LRRC7: variants seen among roughly 807,000 people sequenced by gnomAD.
The protein encoded by LRRC7 is leucine-rich repeat-containing protein 7.
Under a neutral mutation model 175.7 loss-of-function variants are expected in LRRC7, and 23 were observed. That is an observed-to-expected ratio of 0.13 (90% CI 0.09 to 0.19). LRRC7 has a LOEUF of 0.19. Ranked by LOEUF, LRRC7 falls within the 10% of genes least tolerant of loss-of-function variation. The pLI, the probability that LRRC7 is intolerant of heterozygous loss-of-function variation, is 1.00. For missense variants in LRRC7, 1,354 were observed against 1,904.7 expected (o/e 0.71, Z 5.38); for synonymous variants, 685 against 680.9 (o/e 1.01, Z -0.09).
At chr1:69,597,080 T>C (rs945209951) in intron 1 of LRRC7, among the ~76,000 whole-genome samples, 8 of 152,216 alleles carry the variant, frequency 5.3e-5, no homozygotes, top group African/African-American at 1.9e-4. Flanking sequence ...TTTTCTAATA[T>C]TTTCCCCTCT....
intron 7 of LRRC7, among the ~76,000 whole-genome samples, chr1:69,858,077 G>T (rs550838488): frequency 4.6e-5 from 7 of 152,224 alleles, no homozygotes; most frequent in African/African-American, 1.7e-4. Flanking sequence ...GCTGAAACTG[G>T]ATCCCTTCCT....
chr1:70,092,353 T>C (rs1208373962), intron 25 of LRRC7, among the ~76,000 whole-genome samples: 1 of 152,116 alleles, frequency 6.6e-6, no homozygotes, highest in Admixed American at 6.6e-5. Flanking sequence ...TGCAAAAGTT[T>C]AAACTTTAAT....
chr1:69,939,972 G>T (rs1429053232), intron 8 of LRRC7, among the ~76,000 whole-genome samples: 1 of 152,036 alleles, frequency 6.6e-6, no homozygotes, highest in Admixed American at 6.6e-5. Context: ...TTCCAAATGA[G>T]TTTCTTGATG....
chr1:69,702,340 T>A (rs1463220869), intron 2 of LRRC7, among the ~76,000 whole-genome samples: 1 of 152,228 alleles, frequency 6.6e-6, no homozygotes, highest in Non-Finnish European at 1.5e-5. Context: ...AACACAGCAC[T>A]GCAGATGACA....
chr1:69,635,510 T>C (rs1653196180), intron 1 of LRRC7, among the ~76,000 whole-genome samples: 1 of 152,108 alleles, frequency 6.6e-6, no homozygotes, highest in Non-Finnish European at 1.5e-5. Flanking sequence ...ATGGTATAGA[T>C]AACCAAACAA....
At chr1:69,595,559 T>C (rs573314638) in intron 1 of LRRC7, among the ~76,000 whole-genome samples, 5 of 152,186 alleles carry the variant, frequency 3.3e-5, no homozygotes, top group African/African-American at 1.2e-4. Flanking sequence ...GTAACTCATA[T>C]ATTTTTCAAT....
In LRRC7 at chr1:69,653,859, CAGA is replaced by C. The variant is rs1656219026; in HGVS notation, c.3-24519_3-24517del. On this transcript the variant is annotated intron_variant, in intron 1 of 26. Coordinates refer to ENST00000651989, the MANE Select transcript of LRRC7 (RefSeq NM_001370785.2). ...TATTCTAAGTGACATAAGCTAATCG[CAGA>C]AGGACAAATACTAAATGTTTATACT... Among the ~76,000 whole-genome samples the C allele has an allele frequency of 2.6e-5, 4 of 152,096 alleles. No homozygotes were observed. In the South Asian group the frequency reaches 6.2e-4, roughly 24 times the overall value.
At chr1:69,995,710 A>C (rs552409572) in intron 11 of LRRC7, among the ~76,000 whole-genome samples, 1 of 152,148 alleles carries the variant, frequency 6.6e-6, no homozygotes, top group Non-Finnish European at 1.5e-5. Flanking sequence ...AATTTCATCC[A>C]TCTCCCTACA....
At chr1:69,621,154 C>G (rs181883925) in intron 1 of LRRC7, among the ~76,000 whole-genome samples, 2 of 152,054 alleles carry the variant, frequency 1.3e-5, no homozygotes, top group Admixed American at 1.3e-4. Context: ...AAGCGATTCT[C>G]TGGTCTCAGG....
intron 8 of LRRC7, among the ~76,000 whole-genome samples, chr1:69,949,799 C>G (rs1649727696): frequency 6.6e-6 from 1 of 151,980 alleles, no homozygotes; most frequent in South Asian, 2.1e-4. Flanking sequence ...GTAAATTTTT[C>G]CTTCCAAAAG....
rs1659587692 is a variant in LRRC7 at position 70,038,798 on chromosome 1, G to C, written c.2974G>C (p.Asp992His). The change falls in exon 21 of 27, where the codon GAC (aspartate) becomes CAC (histidine). Residue 992 changes from aspartate to histidine, a missense_variant. Asp to His is a moderately conservative substitution (Grantham distance 81). Transcript: ENST00000651989. ...AAAGTCACAGAGTATCGATGAGATT[G>C]ACATTGGTACATATAAGGTGTATAA... is the stretch of plus-strand genomic sequence containing the variant. Reference protein sequence around the residue: ...FKKSQSIDEIDIGTYKVYNIP... With the variant: ...FKKSQSIDEIHIGTYKVYNIP... 1 of 1,614,058 alleles carries C rather than the reference G, an allele frequency of 6.2e-7. No homozygotes were observed. The highest frequency in any genetic ancestry group is 8.5e-7 in the Non-Finnish European group (1 of 1,180,008).
chr1:69,650,225 T>C (rs1048154728), intron 1 of LRRC7, among the ~76,000 whole-genome samples: 2 of 152,200 alleles, frequency 1.3e-5, no homozygotes, highest in Non-Finnish European at 2.9e-5. Flanking sequence ...TTTGGAATAT[T>C]ATTGAAAAAC....
At chr1:70,035,625 CA>C (rs765207825) in intron 18 of LRRC7, among the ~76,000 whole-genome samples, 1,230 of 71,784 alleles carry the variant, frequency 0.017, 5 homozygotes, top group Non-Finnish European at 0.027. Flanking sequence ...TAGGGATGCA[CA>C]AAAAAAAAAA....
chr1:69,995,213 A>T (rs1654818898), intron 11 of LRRC7, among the ~76,000 whole-genome samples: 1 of 152,086 alleles, frequency 6.6e-6, no homozygotes, highest in Non-Finnish European at 1.5e-5. Flanking sequence ...TAATATTGTC[A>T]TTAACATTTG....
intron 1 of LRRC7, among the ~76,000 whole-genome samples, chr1:69,577,312 G>T (rs1185622511): frequency 6.6e-6 from 1 of 152,186 alleles, no homozygotes; most frequent in Non-Finnish European, 1.5e-5. Context: ...ATAATCATGT[G>T]TGAAAAATAG....
At chr1:69,855,971 T>A (rs1348113781) in intron 7 of LRRC7, among the ~76,000 whole-genome samples, 4 of 152,150 alleles carry the variant, frequency 2.6e-5, no homozygotes, top group African/African-American at 9.7e-5. Flanking sequence ...TTGTTTCCAT[T>A]TGCTTGGTAG....
At position 70,123,045 on chromosome 1, in the gene LRRC7, C is replaced by A. The variant is rs1469676795; in HGVS notation, c.*1158C>A. On this transcript the variant is annotated 3_prime_UTR_variant, in exon 27 of 27. Coordinates refer to ENST00000651989, the MANE Select transcript of LRRC7 (RefSeq NM_001370785.2). The stretch of plus-strand genomic sequence containing the variant: ...CAGAAATAGATAAAATACTTTTTTT[C>A]CAAAAACAGTTTCAAGGTATGTAAA... 6.6e-6 allele frequency: 1 copy of A among 152,140 alleles called. No homozygotes were observed. Among genetic ancestry groups the A allele is most frequent in the Non-Finnish European group, 1.5e-5 (1 of 67,870 alleles). The allele number at this position is 152,140 out of a possible 1,614,324, so 9.4% of individuals were successfully genotyped here.
rs775200870 is a variant in LRRC7 at position 70,039,754 on chromosome 1, A to G, written c.3930A>G (p.Gln1310=). 1 of 1,611,542 alleles carries G rather than the reference A, an allele frequency of 6.2e-7. No individual in the cohort carries two copies. The highest frequency in any genetic ancestry group is 8.5e-7 in the Non-Finnish European group (1 of 1,178,922). The change falls in exon 21 of 27, where the codon CAA becomes CAG. Residue 1310 remains glutamine, a synonymous_variant. Coordinates refer to ENST00000651989, the MANE Select transcript of LRRC7 (RefSeq NM_001370785.2). ...SCGKMPADWR[Q]QLLRHIEARR... is the part of the protein sequence containing the mutation. ...GTAAAATGCCTGCAGACTGGAGACA[A>G]CAGCTGCTTAGACATATAGAAGCTA... is the stretch of plus-strand genomic sequence containing the variant.
chr1:69,607,140 T>C (rs1344403378), intron 1 of LRRC7: 1 of 152,156 alleles, frequency 6.6e-6, no homozygotes, highest in Non-Finnish European at 1.5e-5. Flanking sequence ...TACTTTTCTA[T>C]ATTTAAAACC....
Sources: allele counts gnomAD v4.1 joint callset (sites outside exome capture counted in the v4.1 genomes callset), GRCh38; gene constraint gnomAD v4.1.1; transcripts MANE v1.5; gene names NCBI Gene and HGNC (gene_info 2026-07-23, HGNC 2026-07-21).